Variants in MAPK4 observed in about 807,000 individuals in gnomAD.
MAPK4 encodes the protein mitogen-activated protein kinase 4, also known as Erk3-related.
Under a neutral mutation model 47.7 loss-of-function variants are expected in MAPK4, and 22 were observed. The ratio of observed to expected loss-of-function variants is 0.46; its 90% CI spans 0.33 to 0.66. MAPK4 has a LOEUF of 0.66. Among genes scored for constraint, MAPK4 ranks in the 30% least tolerant of loss-of-function variants. The probability of loss-of-function intolerance (pLI) is 0.02; values close to 1 mark genes in which losing one functional copy is unlikely to be tolerated. For synonymous variants in MAPK4, 390 were observed against 365.7 expected, an observed-to-expected ratio of 1.07 and a Z score of -0.76; for missense variants, 736 against 831.7, an observed-to-expected ratio of 0.88 and a Z score of 1.42.
rs575984434 is a variant in MAPK4 at position 50,664,903 on chromosome 18, C to T, written c.546+399C>T. Among the ~76,000 whole-genome samples, 20 of 152,336 alleles carry T rather than the reference C, an allele frequency of 1.3e-4. No homozygotes were observed. The South Asian group carries it at 3.7e-3, about 28-fold the overall frequency. On this transcript the variant is annotated intron_variant, in intron 2 of 5. Transcript: ENST00000400384. The surrounding 1 kb of genome is among the most constrained non-coding windows in gnomAD (Gnocchi z 6.0). ...GCTCAGGACACACCCTGAGGCTTCC[C>T]ACCCTGTGAGCCTCATGCTCTGGTT...
At chr18:50,668,302 C>T (rs1341197035) in intron 2 of MAPK4, among the ~76,000 whole-genome samples, 3 of 152,198 alleles carry the variant, frequency 2.0e-5, no homozygotes, top group Non-Finnish European at 4.4e-5. Flanking sequence ...CAGCCTGGTC[C>T]TCATGCCTCC....
At chr18:50,621,765 T>C (rs2042733810) in intron 1 of MAPK4, among the ~76,000 whole-genome samples, 1 of 152,218 alleles carries the variant, frequency 6.6e-6, no homozygotes, top group Non-Finnish European at 1.5e-5. Context: ...AGAGTTTGAG[T>C]TCTAAAAGCT....
At chr18:50,597,524 C>G (rs1174187108) in intron 1 of MAPK4, among the ~76,000 whole-genome samples, 1 of 152,164 alleles carries the variant, frequency 6.6e-6, no homozygotes, top group Non-Finnish European at 1.5e-5. Flanking sequence ...CTAGAAAGTT[C>G]CAGGTGATGA....
chr18:50,685,912 T>G (rs1054301581), intron 2 of MAPK4, among the ~76,000 whole-genome samples: 10 of 151,834 alleles, frequency 6.6e-5, no homozygotes, highest in African/African-American at 2.4e-4. Context: ...TCTGATACAA[T>G]CATGGCATGC....
chr18:50,716,776 C>T (rs923908683), intron 3 of MAPK4, among the ~76,000 whole-genome samples: 4 of 151,960 alleles, frequency 2.6e-5, no homozygotes, highest in East Asian at 1.9e-4. Flanking sequence ...GTGCTCTCCC[C>T]ACCTCCTCAG....
At chr18:50,724,426 G>T (rs1265901868) in intron 4 of MAPK4, among the ~76,000 whole-genome samples, 1 of 152,180 alleles carries the variant, frequency 6.6e-6, no homozygotes, top group Non-Finnish European at 1.5e-5. Context: ...CTTGTCAAAA[G>T]GTCAAGTCAT....
chr18:50,612,446 C>T (rs1598825556), intron 1 of MAPK4, among the ~76,000 whole-genome samples: 1 of 152,306 alleles, frequency 6.6e-6, no homozygotes, highest in African/African-American at 2.4e-5. Context: ...CCTCAGGGAG[C>T]TCCCAGTATA....
chr18:50,688,772 A>C (rs1336385203), intron 2 of MAPK4, among the ~76,000 whole-genome samples: 1 of 151,988 alleles, frequency 6.6e-6, no homozygotes, highest in Non-Finnish European at 1.5e-5. Context: ...AAAAGACTAC[A>C]AATTGGGTTC....
In MAPK4 at chr18:50,726,104, T is replaced by C; in HGVS notation, c.996T>C (p.Asp332=). The C allele has an allele frequency of 6.2e-7, 1 of 1,613,786 alleles. No individual in the cohort carries two copies. Among genetic ancestry groups the C allele is most frequent in the Non-Finnish European group, 8.5e-7 (1 of 1,179,714 alleles). ...CACAACACCCCTTCCGCATTGAGGA[T>C]GAGATCGACGACATCGTGCTGATGG... The part of the protein sequence containing the change: ...PTSQHPFRIE[D]EIDDIVLMAA... The change falls in exon 5 of 6, where the codon GAT becomes GAC. Residue 332 remains aspartate (D), a synonymous_variant. Transcript: ENST00000400384.
At chr18:50,725,255 G>A (rs897302304) in intron 4 of MAPK4, among the ~76,000 whole-genome samples, 5 of 152,204 alleles carry the variant, frequency 3.3e-5, no homozygotes, top group Non-Finnish European at 5.9e-5. Context: ...CATCAAGGCT[G>A]TCTGCCTTTG....
chr18:50,609,210 GC>G (rs2042609513), intron 1 of MAPK4, among the ~76,000 whole-genome samples: 1 of 151,612 alleles, frequency 6.6e-6, no homozygotes, highest in African/African-American at 2.4e-5. Context: ...CGTCATCATG[GC>G]CCGTTCTCAA....
At chr18:50,687,273 C>T (rs1465103329) in intron 2 of MAPK4, among the ~76,000 whole-genome samples, 1 of 152,102 alleles carries the variant, frequency 6.6e-6, no homozygotes, top group Admixed American at 6.6e-5. Flanking sequence ...GATCCTGTCA[C>T]CTCAGCCTCC....
chr18:50,574,014 A>G (rs1310054245), intron 1 of MAPK4, among the ~76,000 whole-genome samples: 7 of 152,222 alleles, frequency 4.6e-5, no homozygotes, highest in African/African-American at 7.2e-5. Flanking sequence ...TTCCAGGACT[A>G]GAAGCCACTT....
chr18:50,668,217 G>C (rs1193810853), intron 2 of MAPK4, among the ~76,000 whole-genome samples: 1 of 152,192 alleles, frequency 6.6e-6, no homozygotes. Context: ...AGAAGCATCT[G>C]TCCCCAGGGA....
chr18:50,718,577 A>G (rs1051736981), intron 3 of MAPK4, among the ~76,000 whole-genome samples: 16 of 152,238 alleles, frequency 1.1e-4, no homozygotes, highest in Non-Finnish European at 5.9e-5. Flanking sequence ...GAGCAGATTT[A>G]TCTAATAAGG....
At position 50,664,259 on chromosome 18, in the gene MAPK4, G is replaced by A; in HGVS notation, c.301G>A (p.Ala101Thr). The stretch of plus-strand genomic sequence containing the variant: ...GGGTGAGCTGTTCAAGTTCAGCGTG[G>A]CGTACATCGTCCAGGAGTACATGGA... ...LQGELFKFSV[A>T]YIVQEYMETD... The change falls in exon 2 of 6, where the codon GCG becomes ACG. Residue 101 changes from alanine (A) to threonine (T), a missense_variant. Coordinates refer to ENST00000400384, the MANE Select transcript of MAPK4 (RefSeq NM_002747.4). The surrounding 1 kb of genome is among the most constrained non-coding windows in gnomAD (Gnocchi z 6.0). 3.1e-6 allele frequency: 5 copies of A among 1,613,824 alleles called. No homozygotes were observed. Among genetic ancestry groups the A allele is most frequent in the Non-Finnish European group, 4.2e-6 (5 of 1,179,954 alleles).
In MAPK4 at chr18:50,560,214, C is replaced by T. The variant is rs2042140283; in HGVS notation, c.-900C>T. On this transcript the variant is annotated 5_prime_UTR_variant, in exon 1 of 6. Coordinates refer to ENST00000400384, the MANE Select transcript of MAPK4 (RefSeq NM_002747.4). ...CCGCAGACAAAGGGCGGCTCGCGCCCGGGCCGCCACGCTCTCGGGCTCTGC... is the reference window on the plus strand; with the variant it reads ...CCGCAGACAAAGGGCGGCTCGCGCCTGGGCCGCCACGCTCTCGGGCTCTGC... 4 of 151,468 alleles carry T rather than the reference C, an allele frequency of 2.6e-5. No individual in the cohort carries two copies. 9.4% of individuals were successfully genotyped at this position (151,468 alleles called of 1,614,324 possible).
At chr18:50,659,241 G>A (rs1220516185) in intron 1 of MAPK4, among the ~76,000 whole-genome samples, 2 of 152,210 alleles carry the variant, frequency 1.3e-5, no homozygotes, top group Non-Finnish European at 2.9e-5. Flanking sequence ...CTTGGAGTCA[G>A]ACTGACTGCG....
intron 2 of MAPK4, among the ~76,000 whole-genome samples, chr18:50,688,875 A>G (rs1409174078): frequency 6.9e-6 from 1 of 143,970 alleles, no homozygotes; most frequent in Non-Finnish European, 1.5e-5. Flanking sequence ...TGTTCTCCCA[A>G]AAACCTATGG....
Sources: gnomAD v4.1 joint callset for allele counts (sites outside exome capture counted in the v4.1 genomes callset) on GRCh38, gnomAD v4.1.1 for gene constraint, Gnocchi (gnomAD v3.1) non-coding constraint, MANE v1.5 for transcripts, NCBI Gene and HGNC (gene_info 2026-07-23, HGNC 2026-07-21) for gene names.